ACP3: variants seen among roughly 807,000 people sequenced by gnomAD.
ACP3 encodes the protein prostatic acid phosphatase.
In ACP3, 38 loss-of-function variants were observed where a neutral mutation model predicts 45.6. The observed-to-expected ratio is 0.83, with a 90% CI of 0.64 to 1.09. The LOEUF (loss-of-function observed/expected upper bound fraction) is 1.09, where lower values mean the gene tolerates loss of function less well. ACP3 is among the 50% of genes least tolerant of loss of function. The pLI is 0.00. For synonymous variants in ACP3, 162 were observed against 164.7 expected (o/e 0.98, Z 0.13); for missense variants, 466 against 463.2 (o/e 1.01, Z -0.05).
At chr3:132,363,892 G>A (rs567134729) in intron 10 of ACP3, among the ~76,000 whole-genome samples, 9 of 152,144 alleles carry the variant, frequency 5.9e-5, no homozygotes, top group East Asian at 1.9e-4. Flanking sequence ...AACCGAGATC[G>A]TGCCACTGCA....
downstream of ACP3, among the ~76,000 whole-genome samples, chr3:132,362,176 CT>C (rs1382250152): frequency 6.6e-6 from 1 of 151,948 alleles, no homozygotes; most frequent in Non-Finnish European, 1.5e-5. Context: ...AGTGGCCTTT[CT>C]TTCATTGTGA....
intron 10 of ACP3, among the ~76,000 whole-genome samples, chr3:132,364,267 G>A (rs576492877): frequency 4.6e-5 from 7 of 152,212 alleles, no homozygotes; most frequent in Middle Eastern, 3.4e-3. Context: ...AGGATCACCC[G>A]GGCTTAGGAG....
At chr3:132,351,529 G>T (rs529451620) in intron 8 of ACP3, among the ~76,000 whole-genome samples, 1 of 152,282 alleles carries the variant, frequency 6.6e-6, no homozygotes, top group Non-Finnish European at 1.5e-5. Context: ...GACTGAAGAT[G>T]CCAGGAAGTT....
chr3:132,331,003 A>G (rs1350112792), intron 2 of ACP3, among the ~76,000 whole-genome samples: 2 of 152,204 alleles, frequency 1.3e-5, no homozygotes, highest in African/African-American at 4.8e-5. Flanking sequence ...AATGCAGTGC[A>G]TCTCAGTGAT....
chr3:132,321,500 C>G (rs1559826901), intron 1 of ACP3, among the ~76,000 whole-genome samples: 1 of 152,072 alleles, frequency 6.6e-6, no homozygotes, highest in South Asian at 2.1e-4. Flanking sequence ...AGACATTTGC[C>G]GGAAACAGCA....
At position 132,354,721 on chromosome 3, in the gene ACP3, G is replaced by A. The variant is rs1281847460; in HGVS notation, c.968+1898G>A. ...CGTAAACTTTTCAGGTTGTAGAAAA[G>A]GTAGCTAAAAATATTCTTAAAAGAT... On this transcript the variant is annotated intron_variant, in intron 9 of 9. Transcript: ENST00000336375. 4.6e-5 allele frequency among the ~76,000 whole-genome samples: 7 copies of A among 152,056 alleles called. No individual in the cohort carries two copies. The East Asian group carries it at 1.3e-3, about 29-fold the overall frequency.
intron 1 of ACP3, among the ~76,000 whole-genome samples, chr3:132,320,358 T>G (rs1328346631): frequency 6.6e-6 from 1 of 152,204 alleles, no homozygotes; most frequent in Non-Finnish European, 1.5e-5. Context: ...CTATCACCCA[T>G]GCAATCTTGT....
chr3:132,331,748 C>A lies in ACP3; in HGVS notation c.303+15C>A. 6.3e-7 allele frequency: 1 copy of A among 1,575,246 alleles called. No homozygotes were observed. The highest frequency in any genetic ancestry group is 8.6e-7 in the Non-Finnish European group (1 of 1,156,740). On this transcript the variant is annotated intron_variant, in intron 3 of 9. Coordinates refer to ENST00000336375, the MANE Select transcript of ACP3 (RefSeq NM_001099.5). ...AACATGAACAGGCAAGTTGGGGAGC[C>A]AAGAGTGGGAACTTTGATCTTTGAA... is the stretch of plus-strand genomic sequence containing the variant.
At chr3:132,362,755 A>G (rs189838119), downstream of ACP3, among the ~76,000 whole-genome samples, 210 of 152,362 alleles carry the variant, frequency 1.4e-3, no homozygotes, top group Middle Eastern at 0.01. Context: ...ACAAAAGAGG[A>G]GAATGCATAA....
intron 8 of ACP3, 117 bp downstream of exon 8, chr3:132,350,119 T>C (rs1441584668): frequency 1.5e-6 from 1 of 679,088 alleles, no homozygotes; most frequent in Non-Finnish European, 2.6e-6. Flanking sequence ...TGGTAGGCAC[T>C]TGCACAAAGC....
intron 4 of ACP3, chr3:132,332,612 CAG>C (rs113775608): frequency 0.038 from 13,115 of 345,282 alleles, no homozygotes; most frequent in South Asian, 0.052. Context: ...TCGTCATACA[CAG>C]AGAGAGAGAG....
At chr3:132,344,300 G>C (rs988896856) in intron 6 of ACP3, among the ~76,000 whole-genome samples, 1 of 145,370 alleles carries the variant, frequency 6.9e-6, no homozygotes, top group Non-Finnish European at 1.5e-5. Context: ...AAAAAAAAGT[G>C]CCACGTGTGG....
chr3:132,356,584 T>G, intron 9 of ACP3, 102 bp from the exon 10 acceptor site: 1 of 1,581,606 alleles, frequency 6.3e-7, no homozygotes, highest in Non-Finnish European at 8.6e-7. Context: ...GTTTTTCCAT[T>G]AGTCCCTCAA....
Position 132,358,248 on chromosome 3 carries a change from A to G in ACP3, c.*1370A>G, listed in dbSNP as rs1248092311. The G allele has an allele frequency of 8.9e-7, 1 of 1,124,008 alleles. No individual in the cohort carries two copies. Among genetic ancestry groups the G allele is most frequent in the Non-Finnish European group, 1.1e-6 (1 of 905,552 alleles). The allele number at this position is 1,124,008 out of a possible 1,614,324, so 69.6% of individuals were successfully genotyped here. ...CTCTACCAAAAAAAGGAAGGAAGGG[A>G]CACATATCAAACTGAAACAAAATTA... On this transcript the variant is annotated 3_prime_UTR_variant, in exon 10 of 10. Coordinates refer to ENST00000336375, the MANE Select transcript of ACP3 (RefSeq NM_001099.5).
intron 2 of ACP3, among the ~76,000 whole-genome samples, chr3:132,330,278 T>A (rs902408370): frequency 6.6e-6 from 1 of 152,148 alleles, no homozygotes; most frequent in Non-Finnish European, 1.5e-5. Context: ...GATCAGTGTC[T>A]AGGTACTTTT....
Position 132,328,366 on chromosome 3 carries a change from G to A in ACP3, c.216+4G>A, listed in dbSNP as rs1937338795. On this transcript the variant is annotated splice_donor_region_variant and intron_variant, in intron 2 of 9. Coordinates refer to ENST00000336375, the MANE Select transcript of ACP3 (RefSeq NM_001099.5). Reference sequence around the variant, plus strand: ...AGGATTTGGCCAACTCACCCAGGTTGGTTGGACTTTTAGCTAAAGATTGTT... The same window carrying A: ...AGGATTTGGCCAACTCACCCAGGTTAGTTGGACTTTTAGCTAAAGATTGTT... The A allele has an allele frequency of 1.9e-6, 3 of 1,612,240 alleles. No individual in the cohort carries two copies. The African/African-American group carries it at 4.0e-5, about 22-fold the overall frequency.
In ACP3 at chr3:132,349,969, A is replaced by G. The variant is rs755061458; in HGVS notation, c.831A>G (p.Ile277Met). Residue 277 changes from isoleucine (I) to methionine (M), a missense_variant, in exon 8 of 10, where the codon ATA becomes ATG. Physicochemically the swap from Ile to Met is conservative, Grantham distance 10. Coordinates refer to ENST00000336375, the MANE Select transcript of ACP3 (RefSeq NM_001099.5). ...ATCACATGAAGAGAGCAACTCAGATACCAAGCTACAAAAAACTCATCATGT... is the reference window on the plus strand; with the variant it reads ...ATCACATGAAGAGAGCAACTCAGATGCCAAGCTACAAAAAACTCATCATGT... ...ILNHMKRATQ[I>M]PSYKKLIMYS... 49 of 1,612,658 alleles carry G rather than the reference A, an allele frequency of 3.0e-5. 1 individual carries two copies. The Middle Eastern group carries it at 5.8e-3, about 190-fold the overall frequency.
In ACP3 at chr3:132,358,366, T is replaced by C. The variant is rs865885804; in HGVS notation, c.*1488T>C. On this transcript the variant is annotated 3_prime_UTR_variant, in exon 10 of 10. Coordinates refer to ENST00000336375, the MANE Select transcript of ACP3 (RefSeq NM_001099.5). ...AAATACGTTAGGAGGACAAAAGGAA[T>C]GTGTAAGTCTTTAATGCCGATATCT... is the stretch of plus-strand genomic sequence containing the variant. The C allele has an allele frequency of 2.5e-6, 3 of 1,193,368 alleles. No homozygotes were observed. 73.9% of individuals were successfully genotyped at this position (1,193,368 alleles called of 1,614,324 possible).
In ACP3 at chr3:132,328,325, A is replaced by G; in HGVS notation, c.179A>G (p.Glu60Gly). Residue 60 changes from glutamate (E) to glycine (G), a missense_variant, in exon 2 of 10, where the codon GAA becomes GGA. By Grantham distance (98) the Glu-to-Gly change is moderately conservative. Coordinates refer to ENST00000336375, the MANE Select transcript of ACP3 (RefSeq NM_001099.5). ...ACCTTTCCCACTGACCCCATAAAGG[A>G]ATCCTCATGGCCACAAGGATTTGGC... ...IDTFPTDPIKESSWPQGFGQL... is the reference protein window; with the variant it reads ...IDTFPTDPIKGSSWPQGFGQL... 1 of 1,614,014 alleles carries G rather than the reference A, an allele frequency of 6.2e-7. No individual in the cohort carries two copies. Among genetic ancestry groups the G allele is most frequent in the Non-Finnish European group, 8.5e-7 (1 of 1,179,922 alleles).
Sources: allele counts gnomAD v4.1 joint callset (sites outside exome capture counted in the v4.1 genomes callset), GRCh38; gene constraint gnomAD v4.1.1; transcripts MANE v1.5; gene names NCBI Gene and HGNC (gene_info 2026-07-23, HGNC 2026-07-21).